DENND10: variants seen among roughly 807,000 people sequenced by gnomAD.
The protein encoded by DENND10 is DENN domain containing 10, also known as DENN domain-containing protein 10.
A neutral mutation model predicts 43.6 loss-of-function variants in DENND10; 24 were observed. The observed-to-expected ratio is 0.55, with a 90% CI of 0.40 to 0.77. The LOEUF (loss-of-function observed/expected upper bound fraction) is 0.77, where lower values mean the gene tolerates loss of function less well. Ranked by LOEUF, DENND10 falls within the 30% of genes least tolerant of loss-of-function variation. DENND10 has a pLI of 0.00. For synonymous variants in DENND10, 125 were observed against 157.6 expected, an observed-to-expected ratio of 0.79 and a Z score of 1.55; for missense variants, 303 against 429.9, an observed-to-expected ratio of 0.70 and a Z score of 2.61.
intron 1 of DENND10, among the ~76,000 whole-genome samples, chr10:119,107,243 G>C (rs1213125000): frequency 6.6e-6 from 1 of 151,684 alleles, no homozygotes; most frequent in African/African-American, 2.4e-5. Flanking sequence ...TTTGAACCTG[G>C]GAGCCAAGAT....
At chr10:119,118,739 C>G (rs1436602166) in intron 4 of DENND10, among the ~76,000 whole-genome samples, 2 of 151,830 alleles carry the variant, frequency 1.3e-5, no homozygotes, top group African/African-American at 4.8e-5. Flanking sequence ...GGTACAATTA[C>G]GGCTCACTGT....
chr10:119,110,603 C>G (rs556761039), intron 2 of DENND10, among the ~76,000 whole-genome samples: 1 of 152,002 alleles, frequency 6.6e-6, no homozygotes, highest in Non-Finnish European at 1.5e-5. Context: ...ATTATAGGCA[C>G]CTGCCACCAT....
rs115511121 is a variant in DENND10, at chr10:119,123,703, A to G, written c.694+134A>G. On this transcript the variant is annotated intron_variant, in intron 6 of 8. Transcript: ENST00000361432. ...TAGCTCACCGCAACGTCCGCCTTCA[A>G]TTCTCCTGCCTTAGCCTCCCAAGTA... is the stretch of plus-strand genomic sequence containing the variant. 2.7e-3 allele frequency: 1,850 copies of G among 684,528 alleles called. 28 individuals carry two copies. The African/African-American group carries it at 0.03, about 11-fold the overall frequency. 42.4% of individuals were successfully genotyped at this position (684,528 alleles called of 1,614,324 possible).
At chr10:119,123,896 T>A (rs542703169) in intron 6 of DENND10, among the ~76,000 whole-genome samples, 282 of 150,968 alleles carry the variant, frequency 1.9e-3, no homozygotes, top group African/African-American at 5.5e-3. Context: ...TTTTTTAGTT[T>A]AAAAAAAAAT....
intron 5 of DENND10, among the ~76,000 whole-genome samples, chr10:119,121,429 ACCCAG>A (rs1589731919): frequency 7.4e-6 from 1 of 134,884 alleles, no homozygotes; most frequent in East Asian, 2.1e-4. Context: ...GAACCACCAC[ACCCAG>A]CCATTAGGTC....
Position 119,132,828 on chromosome 10 carries a change from G to A in DENND10, c.897+219G>A. 1.9e-6 allele frequency: 1 copy of A among 531,650 alleles called. No homozygotes were observed. The highest frequency in any genetic ancestry group is 3.4e-6 in the Non-Finnish European group (1 of 297,922). The allele number at this position is 531,650 out of a possible 1,614,324, so 32.9% of individuals were successfully genotyped here. A position where few individuals can be genotyped will look rare whatever the true frequency, so the allele number is the denominator to read the frequency against. ...GGGCTCGAGGGCAGGTATACACAGG[G>A]GCTGGTGCTGACACCGACCGCTGGC... On this transcript the variant is annotated intron_variant, in intron 8 of 8. Coordinates refer to ENST00000361432, the MANE Select transcript of DENND10 (RefSeq NM_207009.4). This position sits in a 1 kb window ranked among gnomAD's most constrained non-coding sequence, Gnocchi z 4.2.
intron 3 of DENND10, 110 bp from the exon 4 acceptor site, chr10:119,117,409 A>G: frequency 8.9e-7 from 1 of 1,128,814 alleles, no homozygotes; most frequent in African/African-American, 1.6e-5. Context: ...GAAGGGCAGT[A>G]GCAAGGTGGC....
At chr10:119,106,183 A>AAGTGACAGAGTTAGACCTGCAG (rs2133450046) in intron 1 of DENND10, among the ~76,000 whole-genome samples, 1 of 152,292 alleles carries the variant, frequency 6.6e-6, no homozygotes, top group African/African-American at 2.4e-5. Context: ...AGATTGCGCC[A>AAGTGACAGAGTTAGACCTGCAG]CCGCACTGCA....
intron 3 of DENND10, among the ~76,000 whole-genome samples, chr10:119,112,655 A>G (rs578236698): frequency 3.2e-4 from 48 of 151,386 alleles, no homozygotes; most frequent in Non-Finnish European, 6.0e-4. Context: ...TTCCATGCCT[A>G]GCCAATTTTT....
intron 1 of DENND10, among the ~76,000 whole-genome samples, chr10:119,107,285 G>A (rs1844739278): frequency 7.2e-6 from 1 of 138,888 alleles, no homozygotes; most frequent in Non-Finnish European, 1.6e-5. Flanking sequence ...GGGTGACGGT[G>A]AGACTCCGCC....
At chr10:119,131,183 C>G (rs573917593) in intron 7 of DENND10, among the ~76,000 whole-genome samples, 6 of 152,278 alleles carry the variant, frequency 3.9e-5, no homozygotes, top group Middle Eastern at 3.4e-3. Context: ...ATTAGGCCGG[C>G]CATGGTGGCT....
intron 7 of DENND10, among the ~76,000 whole-genome samples, chr10:119,130,160 A>G (rs868395384): frequency 4.2e-4 from 63 of 149,818 alleles, no homozygotes; most frequent in African/African-American, 1.4e-3. Flanking sequence ...ATGCACCACC[A>G]TGCTCAGCTA....
intron 8 of DENND10, chr10:119,135,263 G>C (rs1451450484): frequency 6.6e-6 from 1 of 152,098 alleles, no homozygotes; most frequent in African/African-American, 2.4e-5. Context: ...TGTGGTCCCT[G>C]GTTGACCAAA....
chr10:119,131,252 A>G (rs1025075930), intron 7 of DENND10, among the ~76,000 whole-genome samples: 1 of 152,116 alleles, frequency 6.6e-6, no homozygotes, highest in Non-Finnish European at 1.5e-5. Flanking sequence ...AGGTCAGGAG[A>G]TCGGGACCAG....
Position 119,136,543 on chromosome 10 carries a change from A to C in DENND10, c.970A>C (p.Lys324Gln). Residue 324 changes from lysine to glutamine, a missense_variant, in exon 9 of 9, where the codon AAG (lysine) becomes CAG (glutamine). By Grantham distance (53) the Lys-to-Gln change is moderately conservative. Coordinates refer to ENST00000361432, the MANE Select transcript of DENND10 (RefSeq NM_207009.4). The part of the protein sequence containing the change: ...PFSEVSADGE[K>Q]RVLNLEALKQ... ...TTCAGAAGTTTCGGCTGATGGAGAA[A>C]AGAGAGTCCTTAATTTGGAGGCGCT... is the stretch of plus-strand genomic sequence containing the variant. The C allele has an allele frequency of 6.3e-7, 1 of 1,586,674 alleles. No individual in the cohort carries two copies. The highest frequency in any genetic ancestry group is 8.5e-7 in the Non-Finnish European group (1 of 1,172,554).
chr10:119,109,622 C>CTT (rs776609518), intron 2 of DENND10, among the ~76,000 whole-genome samples: 3 of 141,146 alleles, frequency 2.1e-5, no homozygotes, highest in Admixed American at 7.2e-5. Context: ...CAAGAAGATA[C>CTT]TTTTTTTTTT....
intron 3 of DENND10, among the ~76,000 whole-genome samples, chr10:119,115,404 T>TTTTTTTTTTTTTTTTTTTTTG (rs1713110426): frequency 8.4e-6 from 1 of 119,452 alleles, no homozygotes; most frequent in Non-Finnish European, 1.8e-5. Context: ...TTTTTTTTTT[T>TTTTTTTTTTTTTTTTTTTTTG]TGAGACGGAG....
intron 8 of DENND10, among the ~76,000 whole-genome samples, chr10:119,135,791 T>TAAAAAAAAAAAA (rs367836571): frequency 0.047 from 2,992 of 63,596 alleles, 186 homozygotes; most frequent in Middle Eastern, 0.097. Context: ...ACTAAAATTG[T>TAAAAAAAAAAAA]AAAAAAAAAA....
At position 119,124,865 on chromosome 10, in the gene DENND10, C is replaced by G. The variant is rs561471015; in HGVS notation, c.694+1296C>G. 7.2e-5 allele frequency among the ~76,000 whole-genome samples: 11 copies of G among 152,140 alleles called. No homozygotes were observed. The East Asian group carries it at 1.7e-3, about 24-fold the overall frequency. On this transcript the variant is annotated intron_variant, in intron 6 of 8. Coordinates refer to ENST00000361432, the MANE Select transcript of DENND10 (RefSeq NM_207009.4). ...TCGCCTGAGCCCAGGAGTTCCAGAC[C>G]AGCCTGGGCAACATAGGAGACCTGT...
Sources: gnomAD v4.1 joint callset for allele counts (sites outside exome capture counted in the v4.1 genomes callset) on GRCh38, gnomAD v4.1.1 for gene constraint, Gnocchi (gnomAD v3.1) non-coding constraint, MANE v1.5 for transcripts, NCBI Gene and HGNC (gene_info 2026-07-23, HGNC 2026-07-21) for gene names.